Variants in DFFB observed in about 807,000 individuals in gnomAD.
The protein encoded by DFFB is DNA fragmentation factor 40 kDa subunit.
Under a neutral mutation model 32.7 loss-of-function variants are expected in DFFB, and 29 were observed. The ratio of observed to expected loss-of-function variants is 0.89; its 90% confidence interval spans 0.66 to 1.21. The LOEUF (loss-of-function observed/expected upper bound fraction) is 1.21, where lower values mean the gene tolerates loss of function less well. Ranked by LOEUF, DFFB falls within the 50% of genes most tolerant of loss-of-function variation. The probability of loss-of-function intolerance (pLI) is 0.00; values close to 1 mark genes in which losing one functional copy is unlikely to be tolerated. For synonymous variants in DFFB, 170 were observed against 177.1 expected, an observed-to-expected ratio of 0.96 and a Z score of 0.32; for missense variants, 398 against 440.6, an observed-to-expected ratio of 0.90 and a Z score of 0.87.
intron 6 of DFFB, among the ~76,000 whole-genome samples, chr1:3,881,855 GC>G (rs1343069254): frequency 2.1e-5 from 3 of 142,602 alleles, no homozygotes; most frequent in African/African-American, 7.9e-5. Context: ...GGGTGACAGA[GC>G]AAGACTCTGT....
chr1:3,871,396 C>T (rs1645109990), intron 5 of DFFB, among the ~76,000 whole-genome samples: 1 of 152,176 alleles, frequency 6.6e-6, no homozygotes, highest in South Asian at 2.1e-4. Context: ...AAGTGATTCT[C>T]CTGCCTCAGC....
At chr1:3,872,674 C>T in intron 6 of DFFB, 102 bp downstream of exon 6, 18 of 1,050,794 alleles carry the variant, frequency 1.7e-5, no homozygotes, top group Middle Eastern at 2.1e-4. Context: ...ACGGCCCTGT[C>T]CCTGCCACGG....
At chr1:3,872,683 G>A (rs1645144737) in intron 6 of DFFB, 111 bp downstream of exon 6, 6 of 958,436 alleles carry the variant, frequency 6.3e-6, no homozygotes, top group South Asian at 2.9e-5. Flanking sequence ...TCCCTGCCAC[G>A]GTGTTGCCTC....
At chr1:3,876,719 C>T (rs916891801) in intron 6 of DFFB, among the ~76,000 whole-genome samples, 1 of 152,260 alleles carries the variant, frequency 6.6e-6, no homozygotes, top group African/African-American at 2.4e-5. Context: ...GGGATGTGCA[C>T]AGCAGTGGAG....
Position 3,865,551 on chromosome 1 carries a change from G to A in DFFB, c.242-261G>A, listed in dbSNP as rs12127483. Reference sequence around the variant, plus strand: ...AGGGGAGGAGGCCAAATGGGAAAGCGGCCGTCTCTTGGTGCGCTTTCATCT... The same window carrying A: ...AGGGGAGGAGGCCAAATGGGAAAGCAGCCGTCTCTTGGTGCGCTTTCATCT... On this transcript the variant is annotated intron_variant, in intron 2 of 6. Coordinates refer to ENST00000378209, the MANE Select transcript of DFFB (RefSeq NM_004402.4). This position sits in a 1 kb window ranked among gnomAD's most constrained non-coding sequence, Gnocchi z 4.7. 107,840 of 591,290 alleles carry A rather than the reference G, an allele frequency of 0.18. 11,736 individuals carry two copies. The highest frequency in any genetic ancestry group is 0.22 in the Non-Finnish European group (73,174 of 328,376). The allele number at this position is 591,290 out of a possible 1,614,324, so 36.6% of individuals were successfully genotyped here. A position where few individuals can be genotyped will look rare whatever the true frequency, so the allele number is the denominator to read the frequency against.
intron 3 of DFFB, among the ~76,000 whole-genome samples, chr1:3,866,878 A>G (rs61768956): frequency 0.034 from 5,206 of 152,244 alleles, 138 homozygotes; most frequent in Non-Finnish European, 0.051. Flanking sequence ...AGGTTCATCC[A>G]TATCGTAGCG....
At position 3,883,994 on chromosome 1, in the gene DFFB, T is replaced by A. The variant is rs1638273913; in HGVS notation, c.*253T>A. ...CAGGCTGGAGTGTAGTGGCGCGATCTCGGCTCAGCCTCCCGAGTAGCTGGG... is the reference window on the plus strand; with the variant it reads ...CAGGCTGGAGTGTAGTGGCGCGATCACGGCTCAGCCTCCCGAGTAGCTGGG... On this transcript the variant is annotated 3_prime_UTR_variant, in exon 7 of 7. Transcript: ENST00000378209. 1 of 463,344 alleles carries A rather than the reference T, an allele frequency of 2.2e-6. No individual in the cohort carries two copies. The highest frequency in any genetic ancestry group is 3.9e-6 in the Non-Finnish European group (1 of 256,366). The allele number at this position is 463,344 out of a possible 1,614,324, so 28.7% of individuals were successfully genotyped here.
chr1:3,868,643 A>ACCACACCAC (rs1645036387), intron 4 of DFFB, among the ~76,000 whole-genome samples: 9 of 4,954 alleles, frequency 1.8e-3, no homozygotes, highest in Admixed American at 4.6e-3. Context: ...CACCACACCA[A>ACCACACCAC]GCCACACCAC....
rs1009127588 is a variant in DFFB, at chr1:3,884,727, G to T, written c.*986G>T. The T allele has an allele frequency of 2.0e-5, 3 of 152,178 alleles. No homozygotes were observed. The highest frequency in any genetic ancestry group is 7.2e-5 in the African/African-American group (3 of 41,494). The allele number at this position is 152,178 out of a possible 1,614,324, so 9.4% of individuals were successfully genotyped here. A position where few individuals can be genotyped will look rare whatever the true frequency, so the allele number is the denominator to read the frequency against. On this transcript the variant is annotated 3_prime_UTR_variant, in exon 7 of 7. Transcript: ENST00000378209. ...CTGGGATTACAGGCACCTACCACCA[G>T]GGCCAGCTAATTTTTGTATGTTTAG...
intron 5 of DFFB, among the ~76,000 whole-genome samples, chr1:3,872,270 G>C (rs949457749): frequency 1.3e-5 from 2 of 152,076 alleles, no homozygotes; most frequent in Admixed American, 6.6e-5. Context: ...AAAATTAGCC[G>C]GGCCTGATGG....
intron 5 of DFFB, 82 bp from the exon 6 acceptor site, chr1:3,872,390 C>A (rs1201333637): frequency 7.7e-6 from 8 of 1,032,846 alleles, no homozygotes; most frequent in Non-Finnish European, 2.9e-6. Context: ...TCCAGCCTGG[C>A]GACAGAGCGA....
chr1:3,871,620 T>C (rs1195224597), intron 5 of DFFB, among the ~76,000 whole-genome samples: 2 of 152,186 alleles, frequency 1.3e-5, no homozygotes, highest in Non-Finnish European at 1.5e-5. Context: ...CCTAAAGCAG[T>C]ATACCCTGGA....
Position 3,865,725 on chromosome 1 carries a change from A to G in DFFB, c.242-87A>G. 6.2e-7 allele frequency: 1 copy of G among 1,603,000 alleles called. No individual in the cohort carries two copies. Among genetic ancestry groups the G allele is most frequent in the Non-Finnish European group, 8.5e-7 (1 of 1,170,190 alleles). Reference sequence around the variant, plus strand: ...ATTGCCAGGCCCTGGGGAATGGGGGAAGATGTGGTCAGAGGCTCTTCTTGT... The same window carrying G: ...ATTGCCAGGCCCTGGGGAATGGGGGGAGATGTGGTCAGAGGCTCTTCTTGT... On this transcript the variant is annotated intron_variant, in intron 2 of 6. Coordinates refer to ENST00000378209, the MANE Select transcript of DFFB (RefSeq NM_004402.4). This position sits in a 1 kb window ranked among gnomAD's most constrained non-coding sequence, Gnocchi z 4.7.
chr1:3,862,955 C>T (rs1017741452), intron 2 of DFFB, among the ~76,000 whole-genome samples: 3 of 152,116 alleles, frequency 2.0e-5, no homozygotes, highest in Non-Finnish European at 2.9e-5. Context: ...TTGAGACAAG[C>T]CTGGCCAACA....
chr1:3,870,776 G>A (rs1645096414), intron 5 of DFFB, among the ~76,000 whole-genome samples: 1 of 152,156 alleles, frequency 6.6e-6, no homozygotes, highest in Non-Finnish European at 1.5e-5. Flanking sequence ...ACTGATAGGT[G>A]GGGGTGCAAG....
Position 3,874,056 on chromosome 1 carries a change from C to T in DFFB, c.782+1484C>T, listed in dbSNP as rs143336065. Among the ~76,000 whole-genome samples the T allele has an allele frequency of 4.6e-5, 7 of 152,388 alleles. No individual in the cohort carries two copies. In the East Asian group the frequency reaches 9.6e-4, roughly 21 times the overall value. On this transcript the variant is annotated intron_variant, in intron 6 of 6. Transcript: ENST00000378209. ...TGCCCTTCAGAGCCCTCTCACTGCA[C>T]CTTTACCACAAGCGTGTGAGTTTAT...
chr1:3,874,725 C>A (rs531456621), intron 6 of DFFB, among the ~76,000 whole-genome samples: 11 of 150,384 alleles, frequency 7.3e-5, no homozygotes, highest in African/African-American at 2.2e-4. Flanking sequence ...ATGTGGCCTC[C>A]CATGCTGTGG....
intron 6 of DFFB, chr1:3,873,169 TG>T (rs1434202225): frequency 6.2e-5 from 14 of 225,120 alleles, no homozygotes; most frequent in Non-Finnish European, 1.0e-4. Flanking sequence ...TGGCTTATTT[TG>T]TGGAACCAGC....
Position 3,865,812 on chromosome 1 carries a change from A to G in DFFB, c.242A>G (p.Tyr81Cys). The G allele has an allele frequency of 6.2e-7, 1 of 1,614,068 alleles. No homozygotes were observed. The highest frequency in any genetic ancestry group is 8.5e-7 in the Non-Finnish European group (1 of 1,180,022). The change falls in exon 3 of 7, where the codon TAT becomes TGT. Residue 81 changes from tyrosine to cysteine, a missense_variant and splice_region_variant. Transcript: ENST00000378209. The surrounding 1 kb of genome is among the most constrained non-coding windows in gnomAD (Gnocchi z 4.7). Reference protein sequence around the residue: ...LLTLGQAWQGYVSDIRRFLSA... With the variant: ...LLTLGQAWQGCVSDIRRFLSA... ...CTTTTGTTTGTCCCATTGGTGGCAG[A>G]TGTGAGCGACATCAGGCGCTTCCTC...
Sources: gnomAD v4.1 joint callset for allele counts (sites outside exome capture counted in the v4.1 genomes callset) on GRCh38, gnomAD v4.1.1 for gene constraint, Gnocchi (gnomAD v3.1) non-coding constraint, MANE v1.5 for transcripts, NCBI Gene and HGNC (gene_info 2026-07-23, HGNC 2026-07-21) for gene names.